Variants in SGCE observed in about 807,000 individuals in gnomAD.
SGCE encodes sarcoglycan epsilon.
SGCE carries 26 observed loss-of-function variants against 57.8 expected under a neutral mutation model. The ratio of observed to expected loss-of-function variants is 0.45; its 90% CI spans 0.33 to 0.62. The LOEUF is 0.62. SGCE is among the 20% of genes least tolerant of loss of function. The pLI, the probability that SGCE is intolerant of heterozygous loss-of-function variation, is 0.02. For missense variants in SGCE, 468 were observed against 548.6 expected (o/e 0.85, Z 1.47); for synonymous variants, 183 against 189.5 (o/e 0.97, Z 0.28).
rs71123907 is a variant in SGCE at position 94,648,376 on chromosome 7, CAAAAAAAA to C, written c.109+7606_109+7613del. On this transcript the variant is annotated intron_variant, in intron 1 of 10. Transcript: ENST00000648936. ...GGCAACAAGAACAAAACTCTGTCTC[CAAAAAAAA>C]AAAAAAAAAAAAAAGAATTACTAAT... Among the ~76,000 whole-genome samples, 10 of 65,086 alleles carry C rather than the reference CAAAAAAAA, an allele frequency of 1.5e-4. No homozygotes were observed. The Middle Eastern group carries it at 0.028, about 181-fold the overall frequency. The allele number at this position is 65,086 out of a possible 152,430, so 42.7% of individuals were successfully genotyped here. A position where few individuals can be genotyped will look rare whatever the true frequency, so the allele number is the denominator to read the frequency against.
intron 1 of SGCE, among the ~76,000 whole-genome samples, chr7:94,642,365 G>A (rs1398614036): frequency 6.6e-6 from 1 of 152,128 alleles, no homozygotes; most frequent in Non-Finnish European, 1.5e-5. Context: ...ATAGTCTCTT[G>A]TGGCAAAATA....
intron 10 of SGCE, chr7:94,588,459 T>A: frequency 3.0e-6 from 4 of 1,345,660 alleles, no homozygotes; most frequent in Non-Finnish European, 3.8e-6. Context: ...AGACAGGACC[T>A]CCATGGATGC....
chr7:94,615,361 AATAAATAGATAG>A lies in SGCE; in HGVS notation c.662+3385_662+3396del, dbSNP rs1203395112. On this transcript the variant is annotated intron_variant, in intron 5 of 10. Coordinates refer to ENST00000648936, the MANE Select transcript of SGCE (RefSeq NM_003919.3). Reference sequence around the variant, plus strand: ...GTGACAGAGCAAGACTCTGTCTCAAAATAAATAGATAGATAGATAGATAGATAGATAGATAGA... The same window carrying A: ...GTGACAGAGCAAGACTCTGTCTCAAAATAGATAGATAGATAGATAGATAGA... Among the ~76,000 whole-genome samples, 245 of 132,280 alleles carry A rather than the reference AATAAATAGATAG, an allele frequency of 1.9e-3. 2 individuals are homozygous for A. The highest frequency in any genetic ancestry group is 6.8e-3 in the African/African-American group (231 of 34,128). 86.8% of individuals were successfully genotyped at this position (132,280 alleles called of 152,430 possible).
At chr7:94,652,219 T>C (rs898490564) in intron 1 of SGCE, among the ~76,000 whole-genome samples, 2 of 152,174 alleles carry the variant, frequency 1.3e-5, no homozygotes, top group African/African-American at 4.8e-5. Flanking sequence ...ACCCATATCA[T>C]CAATTCCCCT....
chr7:94,653,048 T>C (rs1808116781), intron 1 of SGCE, among the ~76,000 whole-genome samples: 1 of 152,174 alleles, frequency 6.6e-6, no homozygotes, highest in Admixed American at 6.5e-5. Flanking sequence ...TAAAAAGGGA[T>C]AAAATGTCCA....
In SGCE at chr7:94,628,203, T is replaced by G. The variant is rs1221069074; in HGVS notation, c.389A>C (p.Glu130Ala). ...AENVGKPTII[E>A]ITAYNRRTFE... ...TTGCTCTTTCTAGGTGTAAATTACC[T>G]CAATGATTGTTGGCTTCCCCACATT... The change falls in exon 3 of 11, where the codon GAG becomes GCG. Residue 130 changes from glutamate (E) to alanine (A), a missense_variant and splice_region_variant. Transcript: ENST00000648936. The G allele has an allele frequency of 1.2e-6, 2 of 1,609,548 alleles. No homozygotes were observed. Among genetic ancestry groups the G allele is most frequent in the Non-Finnish European group, 1.7e-6 (2 of 1,177,016 alleles).
At chr7:94,598,690 A>T (rs1429091047) in intron 9 of SGCE, 85 bp downstream of exon 9, 3 of 979,046 alleles carry the variant, frequency 3.1e-6, no homozygotes, top group Non-Finnish European at 5.0e-6. Flanking sequence ...ACAAACAAAC[A>T]CAACAACAGA....
At chr7:94,616,792 G>A (rs1801995295) in intron 5 of SGCE, 1 of 152,088 alleles carries the variant, frequency 6.6e-6, no homozygotes, top group South Asian at 2.1e-4. Context: ...TTTATTTTAT[G>A]AGTGTTTGTA....
intron 3 of SGCE, chr7:94,624,642 C>A (rs551395978): frequency 6.3e-6 from 1 of 159,348 alleles, no homozygotes; most frequent in East Asian, 1.7e-4. Context: ...ACAAAAAATG[C>A]AAAATAGATT....
chr7:94,598,584 A>G (rs1798754972), intron 9 of SGCE, 191 bp downstream of exon 9: 1 of 604,590 alleles, frequency 1.7e-6, no homozygotes. Context: ...GGGGGAAAAA[A>G]AGTGCATTTC....
intron 1 of SGCE, among the ~76,000 whole-genome samples, chr7:94,643,719 C>T (rs1345285039): frequency 7.9e-5 from 12 of 152,200 alleles, no homozygotes. Context: ...ATCATGGATC[C>T]ACTTGACTAA....
At chr7:94,620,848 C>T (rs1055688131) in intron 4 of SGCE, 3 of 152,350 alleles carry the variant, frequency 2.0e-5, no homozygotes, top group South Asian at 2.1e-4. Flanking sequence ...GCTATCTACC[C>T]ATCCAAGAGC....
Position 94,600,793 on chromosome 7 carries a change from T to A in SGCE, c.890A>T (p.Asp297Val). Residue 297 changes from aspartate to valine, a missense_variant, in exon 7 of 11, where the codon GAT (aspartate) becomes GTT (valine). Coordinates refer to ENST00000648936, the MANE Select transcript of SGCE (RefSeq NM_003919.3). Reference protein sequence around the residue: ...EVIRGEGILPDGGEYKPPSDS... With the variant: ...EVIRGEGILPVGGEYKPPSDS... ...AGAAGGGGGTTTGTATTCTCCACCATCAGGTAAAATCCCCTCTCCACGAAT... is the reference window on the plus strand; with the variant it reads ...AGAAGGGGGTTTGTATTCTCCACCAACAGGTAAAATCCCCTCTCCACGAAT... 1 of 1,613,422 alleles carries A rather than the reference T, an allele frequency of 6.2e-7. No individual in the cohort carries two copies. The highest frequency in any genetic ancestry group is 1.1e-5 in the South Asian group (1 of 91,000).
chr7:94,615,512 A>G (rs564884156), intron 5 of SGCE, among the ~76,000 whole-genome samples: 52 of 152,154 alleles, frequency 3.4e-4, no homozygotes, highest in Non-Finnish European at 5.9e-4. Context: ...CATCAGACCA[A>G]TATTGGGCAG....
At chr7:94,630,377 C>A (rs879167104) in intron 1 of SGCE, among the ~76,000 whole-genome samples, 1 of 151,638 alleles carries the variant, frequency 6.6e-6, no homozygotes, top group Non-Finnish European at 1.5e-5. Flanking sequence ...TATAAAAATG[C>A]ATTGGATACT....
At chr7:94,655,926 CGGGGGA>C in intron 1 of SGCE, 58 bp downstream of exon 1, 2 of 1,076,414 alleles carry the variant, frequency 1.9e-6, no homozygotes, top group Non-Finnish European at 2.8e-6. Context: ...GGAACCCGAG[CGGGGGA>C]GGGGGAGGCG....
At position 94,598,765 on chromosome 7, in the gene SGCE, G is replaced by A. The variant is rs930112362; in HGVS notation, c.1253+10C>T. On this transcript the variant is annotated intron_variant, in intron 9 of 10. Transcript: ENST00000648936. ...CATATTAATAATTATGGCTCTAAGT[G>A]GACACTTACTGCTGCGTTTGCATCA... 6.3e-7 allele frequency: 1 copy of A among 1,575,940 alleles called. No homozygotes were observed. The highest frequency in any genetic ancestry group is 8.7e-7 in the Non-Finnish European group (1 of 1,145,196).
In SGCE at chr7:94,619,967, TATA is replaced by T. The variant is rs1214272141; in HGVS notation, c.464-1014_464-1012del. 4 of 152,326 alleles carry T rather than the reference TATA, an allele frequency of 2.6e-5. No individual in the cohort carries two copies. The East Asian group carries it at 5.8e-4, about 22-fold the overall frequency. 9.4% of individuals were successfully genotyped at this position (152,326 alleles called of 1,614,324 possible). ...TAAAATATTAAATGTTAGCTCTAAT[TATA>T]ATAATATGAAAAGGTTGATTATCTG... On this transcript the variant is annotated intron_variant, in intron 4 of 10. Coordinates refer to ENST00000648936, the MANE Select transcript of SGCE (RefSeq NM_003919.3).
At chr7:94,649,517 G>A (rs2117092974) in intron 1 of SGCE, among the ~76,000 whole-genome samples, 1 of 152,286 alleles carries the variant, frequency 6.6e-6, no homozygotes, top group Non-Finnish European at 1.5e-5. Context: ...GATCAGCTGA[G>A]CGTTGACAAG....
Sources: gnomAD v4.1 joint callset for allele counts (sites outside exome capture counted in the v4.1 genomes callset) on GRCh38, gnomAD v4.1.1 for gene constraint, MANE v1.5 for transcripts, NCBI Gene and HGNC (gene_info 2026-07-23, HGNC 2026-07-21) for gene names.